The following PLA2G4A variants were observed in gnomAD, a reference collection of about 807,000 sequenced individuals.
The protein encoded by PLA2G4A is cytosolic phospholipase A2.
In PLA2G4A, 40 loss-of-function variants were observed where a neutral mutation model predicts 81.9. That is an observed-to-expected ratio of 0.49 (90% CI 0.38 to 0.64). The LOEUF is 0.64. PLA2G4A is among the 30% of genes least tolerant of loss of function. PLA2G4A has a pLI of 0.00. For synonymous variants in PLA2G4A, 302 were observed against 296.9 expected (o/e 1.02, Z -0.18); for missense variants, 715 against 905.1 (o/e 0.79, Z 2.69).
rs187855254 is a variant in PLA2G4A at position 186,887,220 on chromosome 1, A to G, written c.116-5791A>G. 1.6e-3 allele frequency among the ~76,000 whole-genome samples: 237 copies of G among 152,208 alleles called. 2 individuals are homozygous for G. Among genetic ancestry groups the G allele is most frequent in the Non-Finnish European group, 2.7e-3 (184 of 67,994 alleles). On this transcript the variant is annotated intron_variant, in intron 3 of 17. Coordinates refer to ENST00000367466, the MANE Select transcript of PLA2G4A (RefSeq NM_024420.3). ...CTATTTATCACAAGAATTGTAACAA[A>G]TTACTTGTAATCTGTTTTTCAAACA...
chr1:186,924,605 C>T (rs959401359), intron 7 of PLA2G4A, among the ~76,000 whole-genome samples: 2 of 151,948 alleles, frequency 1.3e-5, no homozygotes, highest in Non-Finnish European at 2.9e-5. Context: ...CAGGGTTTCA[C>T]TTTGTCATCC....
At chr1:186,909,570 G>C (rs1425713406) in intron 6 of PLA2G4A, among the ~76,000 whole-genome samples, 1 of 148,876 alleles carries the variant, frequency 6.7e-6, no homozygotes, top group African/African-American at 2.5e-5. Context: ...CGAGGCAGGA[G>C]AATCGCTGGA....
In PLA2G4A at chr1:186,940,105, T is replaced by C. The variant is rs1237222833; in HGVS notation, c.1033+11T>C. 2 of 1,445,768 alleles carry C rather than the reference T, an allele frequency of 1.4e-6. No homozygotes were observed. The highest frequency in any genetic ancestry group is 1.9e-6 in the Non-Finnish European group (2 of 1,026,378). 89.6% of individuals were successfully genotyped at this position (1,445,768 alleles called of 1,614,324 possible). A position where few individuals can be genotyped will look rare whatever the true frequency, so the allele number is the denominator to read the frequency against. On this transcript the variant is annotated intron_variant, in intron 10 of 17. Coordinates refer to ENST00000367466, the MANE Select transcript of PLA2G4A (RefSeq NM_024420.3). ...AGCTGATGTTTGCAGGTATGCTGTT[T>C]CCTTTCTCAGAACACTTCCTGGAAC...
intron 2 of PLA2G4A, among the ~76,000 whole-genome samples, chr1:186,864,388 C>A (rs914179957): frequency 1.3e-5 from 2 of 152,196 alleles, no homozygotes; most frequent in African/African-American, 2.4e-5. Flanking sequence ...CTGTTTTACA[C>A]AATGGCTATA....
At chr1:186,925,065 A>G (rs2102187387) in intron 7 of PLA2G4A, among the ~76,000 whole-genome samples, 1 of 152,158 alleles carries the variant, frequency 6.6e-6, no homozygotes, top group Middle Eastern at 3.4e-3. Flanking sequence ...AACAACAAAA[A>G]GAAATTTCTC....
chr1:186,888,200 C>T (rs1241087021), intron 3 of PLA2G4A, among the ~76,000 whole-genome samples: 1 of 152,114 alleles, frequency 6.6e-6, no homozygotes, highest in Non-Finnish European at 1.5e-5. Flanking sequence ...ATTTTTTAAA[C>T]AAAGTCTGTG....
At chr1:186,881,820 G>A (rs923411723) in intron 3 of PLA2G4A, among the ~76,000 whole-genome samples, 1 of 151,986 alleles carries the variant, frequency 6.6e-6, no homozygotes, top group African/African-American at 2.4e-5. Context: ...TATGATAAAG[G>A]TGACCTGTTC....
chr1:186,885,032 A>C (rs1653883100), intron 3 of PLA2G4A, among the ~76,000 whole-genome samples: 1 of 152,090 alleles, frequency 6.6e-6, no homozygotes, highest in South Asian at 2.1e-4. Context: ...GAGGCCAATA[A>C]TCCAGCAGAG....
At chr1:186,983,857 T>A (rs757469013) in intron 17 of PLA2G4A, among the ~76,000 whole-genome samples, 1 of 152,164 alleles carries the variant, frequency 6.6e-6, no homozygotes, top group Non-Finnish European at 1.5e-5. Flanking sequence ...GCATATTGGT[T>A]AACCTTTCTA....
At chr1:186,932,992 T>G in intron 8 of PLA2G4A, 93 bp downstream of exon 8, 1 of 928,542 alleles carries the variant, frequency 1.1e-6, no homozygotes, top group Non-Finnish European at 1.7e-6. Flanking sequence ...ATTTAGAAAA[T>G]TGATCATTAA....
intron 3 of PLA2G4A, among the ~76,000 whole-genome samples, chr1:186,873,197 G>A (rs553256341): frequency 2.2e-4 from 34 of 152,152 alleles, no homozygotes; most frequent in African/African-American, 7.9e-4. Context: ...TTGAAAAGTT[G>A]TGGGAGACTC....
At chr1:186,850,602 T>C (rs1450056666) in intron 1 of PLA2G4A, among the ~76,000 whole-genome samples, 1 of 152,126 alleles carries the variant, frequency 6.6e-6, no homozygotes, top group African/African-American at 2.4e-5. Flanking sequence ...GAACAAAGTA[T>C]CTCCTATGAA....
At chr1:186,904,850 T>G (rs1342749049) in intron 5 of PLA2G4A, among the ~76,000 whole-genome samples, 1 of 92,120 alleles carries the variant, frequency 1.1e-5, no homozygotes, top group East Asian at 2.8e-4. Context: ...CAGGCAGGGA[T>G]ATATATATAT....
chr1:186,893,053 C>A lies in PLA2G4A; in HGVS notation c.158C>A (p.Thr53Asn). 1 of 1,609,030 alleles carries A rather than the reference C, an allele frequency of 6.2e-7. No individual in the cohort carries two copies. Among genetic ancestry groups the A allele is most frequent in the African/African-American group, 1.3e-5 (1 of 74,934 alleles). Residue 53 changes from threonine (T) to asparagine (N), a missense_variant, in exon 4 of 18, where the codon ACC becomes AAC. Transcript: ENST00000367466. Reference sequence around the variant, plus strand: ...TATGTGGAACTTTTTATCTCTACAACCCCTGACAGCAGGAAGAGAACAAGA... The same window carrying A: ...TATGTGGAACTTTTTATCTCTACAAACCCTGACAGCAGGAAGAGAACAAGA... ...DPYVELFIST[T>N]PDSRKRTRHF...
At chr1:186,895,640 T>A (rs1451133789) in intron 5 of PLA2G4A, among the ~76,000 whole-genome samples, 1 of 152,014 alleles carries the variant, frequency 6.6e-6, no homozygotes, top group Non-Finnish European at 1.5e-5. Flanking sequence ...TAAAAAGAAA[T>A]CCCCAGACAG....
At chr1:186,835,580 A>G (rs77182834) in intron 1 of PLA2G4A, among the ~76,000 whole-genome samples, 5 of 152,156 alleles carry the variant, frequency 3.3e-5, no homozygotes, top group Admixed American at 2.6e-4. Context: ...ACAAACCTCA[A>G]ACAGGTTATC....
At chr1:186,871,194 C>A (rs984027505) in intron 3 of PLA2G4A, among the ~76,000 whole-genome samples, 3 of 152,092 alleles carry the variant, frequency 2.0e-5, no homozygotes, top group African/African-American at 7.2e-5. Flanking sequence ...TGATGCGATC[C>A]ACAGCCTGAG....
At chr1:186,892,261 T>C (rs1654172471) in intron 3 of PLA2G4A, among the ~76,000 whole-genome samples, 1 of 152,106 alleles carries the variant, frequency 6.6e-6, no homozygotes, top group Non-Finnish European at 1.5e-5. Context: ...TTTGTTGATT[T>C]TTTTTCCTTT....
chr1:186,923,902 G>C (rs771740076), intron 7 of PLA2G4A, among the ~76,000 whole-genome samples: 1 of 152,108 alleles, frequency 6.6e-6, no homozygotes, highest in Non-Finnish European at 1.5e-5. Flanking sequence ...AGATAGACTT[G>C]TCTCCTAATG....
Sources: gnomAD v4.1 joint callset for allele counts (sites outside exome capture counted in the v4.1 genomes callset) on GRCh38, gnomAD v4.1.1 for gene constraint, MANE v1.5 for transcripts, NCBI Gene and HGNC (gene_info 2026-07-23, HGNC 2026-07-21) for gene names.